The following ROBO2 variants were observed in gnomAD, a reference collection of about 807,000 sequenced individuals.
ROBO2 encodes the protein roundabout guidance receptor 2.
Under a neutral mutation model 160.8 loss-of-function variants are expected in ROBO2, and 53 were observed. The ratio of observed to expected loss-of-function variants is 0.33; its 90% confidence interval spans 0.26 to 0.41. The LOEUF is 0.41. ROBO2 is among the 10% of genes least tolerant of loss of function. The pLI is 1.00. For missense variants in ROBO2, 1,577 were observed against 1,722.4 expected, an observed-to-expected ratio of 0.92 and a Z score of 1.49; for synonymous variants, 664 against 611.7, an observed-to-expected ratio of 1.09 and a Z score of -1.26.
intron 2 of ROBO2, among the ~76,000 whole-genome samples, chr3:76,342,480 G>T (rs2074287296): frequency 6.6e-6 from 1 of 152,108 alleles, no homozygotes; most frequent in South Asian, 2.1e-4. Context: ...AGAACTATGA[G>T]TGTAGGGAAC....
At chr3:76,380,372 C>T (rs2076557176) in intron 2 of ROBO2, among the ~76,000 whole-genome samples, 1 of 152,054 alleles carries the variant, frequency 6.6e-6, no homozygotes, top group Admixed American at 6.5e-5. Flanking sequence ...AAAATTTGGT[C>T]TTGATCTCAA....
intron 2 of ROBO2, among the ~76,000 whole-genome samples, chr3:77,115,006 A>T (rs1047798456): frequency 6.6e-5 from 10 of 152,044 alleles, no homozygotes; most frequent in Non-Finnish European, 5.9e-5. Flanking sequence ...TCATTTTTTT[A>T]AAAATGTTAT....
At chr3:76,913,848 T>C (rs1232738736) in intron 2 of ROBO2, among the ~76,000 whole-genome samples, 1 of 152,024 alleles carries the variant, frequency 6.6e-6, no homozygotes, top group Non-Finnish European at 1.5e-5. Flanking sequence ...TGAGTAACTG[T>C]GAAAAATACT....
At chr3:76,968,913 A>G (rs1429340845) in intron 2 of ROBO2, among the ~76,000 whole-genome samples, 7 of 152,170 alleles carry the variant, frequency 4.6e-5, no homozygotes, top group African/African-American at 1.7e-4. Flanking sequence ...ATCACTTTTT[A>G]AAAGTTAATT....
chr3:76,892,579 G>A (rs2074432428), intron 2 of ROBO2, among the ~76,000 whole-genome samples: 1 of 152,020 alleles, frequency 6.6e-6, no homozygotes, highest in Non-Finnish European at 1.5e-5. Flanking sequence ...CCAACGTAAC[G>A]AACACTCCCT....
intron 3 of ROBO2, among the ~76,000 whole-genome samples, chr3:77,479,657 A>G (rs1219793460): frequency 1.3e-5 from 2 of 152,120 alleles, no homozygotes; most frequent in African/African-American, 2.4e-5. Context: ...TTGGGTACCA[A>G]ATTTATGAAA....
At chr3:77,016,274 C>T (rs77156867) in intron 2 of ROBO2, among the ~76,000 whole-genome samples, 8,005 of 151,654 alleles carry the variant, frequency 0.053, 644 homozygotes, top group African/African-American at 0.18. Flanking sequence ...CGCACCTGGC[C>T]CTAATATGTT....
intron 2 of ROBO2, among the ~76,000 whole-genome samples, chr3:75,943,422 A>G (rs890535878): frequency 1.1e-4 from 17 of 152,174 alleles, no homozygotes; most frequent in Non-Finnish European, 1.8e-4. Flanking sequence ...TTGAGCTTTG[A>G]TGTTCTATTT....
intron 5 of ROBO2, among the ~76,000 whole-genome samples, chr3:77,509,217 C>T (rs998783611): frequency 1.3e-5 from 2 of 150,778 alleles, no homozygotes; most frequent in Non-Finnish European, 3.0e-5. Context: ...GGAGAAATTA[C>T]AGCCTGTCTT....
At position 77,622,451 on chromosome 3, in the gene ROBO2, T is replaced by C. The variant is rs774138543; in HGVS notation, c.3760+19T>C. On this transcript the variant is annotated intron_variant, in intron 23 of 25. Transcript: ENST00000461745. ...GTGACAGGTAACGGAACCAATTTAA[T>C]AGGAAAAACTGACCTATTGGTAACA... The C allele has an allele frequency of 1.1e-5, 18 of 1,609,242 alleles. No homozygotes were observed. The highest frequency in any genetic ancestry group is 1.6e-4 in the Middle Eastern group (1 of 6,078).
rs2069744665 is a variant in ROBO2, at chr3:76,854,053, TC to T, written c.110-243960del. Among the ~76,000 whole-genome samples, 4 of 91,692 alleles carry T rather than the reference TC, an allele frequency of 4.4e-5. No individual in the cohort carries two copies. The South Asian group carries it at 1.5e-3, about 35-fold the overall frequency. The allele number at this position is 91,692 out of a possible 152,430, so 60.2% of individuals were successfully genotyped here. A position where few individuals can be genotyped will look rare whatever the true frequency, so the allele number is the denominator to read the frequency against. On this transcript the variant is annotated intron_variant, in intron 2 of 26. Transcript: ENST00000487694. The stretch of plus-strand genomic sequence containing the variant: ...CTCTCTCTCTCTCTCTCTCTCTCTC[TC>T]TCTCTCTCTCTCTTTCTCTGTCTGC...
chr3:76,457,624 G>A (rs979242634), intron 2 of ROBO2, among the ~76,000 whole-genome samples: 1 of 152,206 alleles, frequency 6.6e-6, no homozygotes, highest in African/African-American at 2.4e-5. Context: ...TAGAGACCGT[G>A]TGGGGGCTCG....
intron 2 of ROBO2, among the ~76,000 whole-genome samples, chr3:76,783,450 A>G (rs900163184): frequency 1.3e-5 from 2 of 149,404 alleles, no homozygotes; most frequent in Non-Finnish European, 3.0e-5. Flanking sequence ...GAATGTCCTT[A>G]TCACTCTTTC....
At chr3:76,137,252 G>A (rs907090576) in intron 2 of ROBO2, among the ~76,000 whole-genome samples, 5 of 151,836 alleles carry the variant, frequency 3.3e-5, no homozygotes, top group Non-Finnish European at 5.9e-5. Flanking sequence ...CCAGTGTATC[G>A]ACTTTGGAAA....
intron 6 of ROBO2, among the ~76,000 whole-genome samples, chr3:77,531,772 C>A (rs1426237657): frequency 6.6e-6 from 1 of 151,968 alleles, no homozygotes; most frequent in Non-Finnish European, 1.5e-5. Flanking sequence ...GCACTTTTTG[C>A]AAAAGATGTT....
At chr3:76,818,967 C>T (rs2065903207) in intron 2 of ROBO2, among the ~76,000 whole-genome samples, 1 of 151,846 alleles carries the variant, frequency 6.6e-6, no homozygotes, top group Non-Finnish European at 1.5e-5. Flanking sequence ...TATGAATTGA[C>T]TCTTCATCCT....
chr3:77,319,653 T>G (rs1173222470), intron 2 of ROBO2, among the ~76,000 whole-genome samples: 1 of 152,192 alleles, frequency 6.6e-6, no homozygotes. Context: ...CTTTTTCCAT[T>G]ATCAATAACG....
At chr3:76,502,942 A>T (rs2080550686) in intron 2 of ROBO2, among the ~76,000 whole-genome samples, 1 of 152,176 alleles carries the variant, frequency 6.6e-6, no homozygotes, top group Non-Finnish European at 1.5e-5. Context: ...TTCATGGAAC[A>T]ACCATGTAGT....
At chr3:76,320,127 T>G (rs1404915896) in intron 2 of ROBO2, among the ~76,000 whole-genome samples, 2 of 152,160 alleles carry the variant, frequency 1.3e-5, no homozygotes, top group African/African-American at 4.8e-5. Flanking sequence ...CATTTTGTAA[T>G]GAAATTCTTT....
Sources: allele counts gnomAD v4.1 joint callset (sites outside exome capture counted in the v4.1 genomes callset), GRCh38; gene constraint gnomAD v4.1.1; transcripts MANE v1.5; gene names NCBI Gene and HGNC (gene_info 2026-07-23, HGNC 2026-07-21).